The following TAOK3 variants were observed in gnomAD, a reference collection of about 807,000 sequenced individuals.
TAOK3 encodes the protein serine/threonine-protein kinase TAO3.
Under a neutral mutation model 120.4 loss-of-function variants are expected in TAOK3, and 40 were observed. The observed-to-expected ratio is 0.33, with a 90% CI of 0.26 to 0.43. The LOEUF is 0.43. Ranked by LOEUF, TAOK3 falls within the 20% of genes least tolerant of loss-of-function variation. The probability of loss-of-function intolerance (pLI) is 1.00; values close to 1 mark genes in which losing one functional copy is unlikely to be tolerated. For synonymous variants in TAOK3, 355 were observed against 387.5 expected (o/e 0.92, Z 0.99); for missense variants, 821 against 1,112.1 (o/e 0.74, Z 3.72).
intron 1 of TAOK3, among the ~76,000 whole-genome samples, chr12:118,331,049 T>C (rs996112458): frequency 6.6e-6 from 1 of 152,206 alleles, no homozygotes; most frequent in Non-Finnish European, 1.5e-5. Context: ...TCGTTTTATA[T>C]TAGAAGGCAG....
At chr12:118,331,156 C>T (rs1311071998) in intron 1 of TAOK3, among the ~76,000 whole-genome samples, 4 of 152,106 alleles carry the variant, frequency 2.6e-5, no homozygotes, top group Non-Finnish European at 4.4e-5. Context: ...AATTCCATTT[C>T]CTCTAGAACA....
intron 19 of TAOK3, among the ~76,000 whole-genome samples, chr12:118,157,160 C>G (rs2034892760): frequency 6.6e-6 from 1 of 152,204 alleles, no homozygotes; most frequent in South Asian, 2.1e-4. Context: ...GTAACTTCCC[C>G]CTTCATCCCG....
intron 1 of TAOK3, among the ~76,000 whole-genome samples, chr12:118,280,355 G>T (rs540739931): frequency 7.9e-5 from 12 of 152,240 alleles, no homozygotes; most frequent in African/African-American, 2.6e-4. Context: ...ACCACTGCAC[G>T]TGGTGTGATT....
intron 16 of TAOK3, among the ~76,000 whole-genome samples, chr12:118,173,161 G>A (rs914941247): frequency 1.3e-5 from 2 of 152,106 alleles, no homozygotes; most frequent in Non-Finnish European, 2.9e-5. Flanking sequence ...GTTAACCAGC[G>A]GAAAAGGAAA....
At chr12:118,250,696 A>G (rs1414251956) in intron 3 of TAOK3, among the ~76,000 whole-genome samples, 2 of 152,188 alleles carry the variant, frequency 1.3e-5, no homozygotes, top group Non-Finnish European at 2.9e-5. Context: ...CTCCTCTAGG[A>G]GGATAGACAA....
intron 1 of TAOK3, among the ~76,000 whole-genome samples, chr12:118,294,956 A>G (rs2042621272): frequency 6.6e-6 from 1 of 152,174 alleles, no homozygotes; most frequent in Non-Finnish European, 1.5e-5. Flanking sequence ...CTTTTGATAT[A>G]TTGAGGATCC....
At chr12:118,268,780 G>A (rs753359331) in intron 1 of TAOK3, among the ~76,000 whole-genome samples, 3 of 152,224 alleles carry the variant, frequency 2.0e-5, no homozygotes, top group African/African-American at 4.8e-5. Context: ...AGGCCAAGGC[G>A]GGTGGATCAC....
Position 118,238,096 on chromosome 12 carries a change from T to C in TAOK3, c.414A>G (p.Leu138=). ...THGALHGLAY[L]HSHALIHRDI... is the part of the protein sequence containing the mutation. The stretch of plus-strand genomic sequence containing the variant: ...ACCTATGAATCAATGCATGAGAATG[T>C]AGGTAGGCTAGTCCATGCAAGGCTC... Residue 138 remains leucine (L), a synonymous_variant, in exon 7 of 21, where the codon CTA becomes CTG. Transcript: ENST00000392533. 1 of 1,608,444 alleles carries C rather than the reference T, an allele frequency of 6.2e-7. No individual in the cohort carries two copies. The highest frequency in any genetic ancestry group is 1.7e-5 in the Admixed American group (1 of 59,874).
chr12:118,175,568 A>T (rs765941794), intron 16 of TAOK3, among the ~76,000 whole-genome samples: 18 of 152,170 alleles, frequency 1.2e-4, no homozygotes, highest in Non-Finnish European at 2.4e-4. Context: ...TGGAGGTTGC[A>T]GTGAGCCGAG....
intron 9 of TAOK3, among the ~76,000 whole-genome samples, chr12:118,217,963 G>A (rs1325728421): frequency 2.0e-5 from 3 of 147,450 alleles, no homozygotes; most frequent in African/African-American, 7.5e-5. Flanking sequence ...AGGTTCAAGT[G>A]ATTCTTCTGC....
chr12:118,237,012 G>C (rs2040044711), intron 7 of TAOK3, among the ~76,000 whole-genome samples: 1 of 152,170 alleles, frequency 6.6e-6, no homozygotes, highest in Non-Finnish European at 1.5e-5. Flanking sequence ...GTTGGCAGTA[G>C]TATTAACACC....
chr12:118,342,957 A>AAAAG (rs1555257895), intron 1 of TAOK3, among the ~76,000 whole-genome samples: 13 of 120,428 alleles, frequency 1.1e-4, no homozygotes, highest in African/African-American at 2.5e-4. Context: ...AAAAAAAAAA[A>AAAAG]AGAGAGAGAG....
chr12:118,255,396 A>C, intron 3 of TAOK3, 52 bp downstream of exon 3: 1 of 1,598,320 alleles, frequency 6.3e-7, no homozygotes, highest in Non-Finnish European at 8.5e-7. Context: ...CCAGGCCTAG[A>C]GTCCAACCTT....
At chr12:118,330,443 T>A (rs997537778) in intron 1 of TAOK3, among the ~76,000 whole-genome samples, 1 of 152,176 alleles carries the variant, frequency 6.6e-6, no homozygotes, top group Non-Finnish European at 1.5e-5. Flanking sequence ...TATTTTTAGA[T>A]AGTGTTCAGA....
intron 1 of TAOK3, among the ~76,000 whole-genome samples, chr12:118,365,006 G>GTATGGATTCTTATTT (rs1170705860): frequency 6.6e-6 from 1 of 152,170 alleles, no homozygotes; most frequent in Non-Finnish European, 1.5e-5. Context: ...ATCCCAAGAG[G>GTATGGATTCTTATTT]TATGGATTCT....
Position 118,162,292 on chromosome 12 carries a change from ACT to A in TAOK3, c.1900-267_1900-266del, listed in dbSNP as rs138184791. Among the ~76,000 whole-genome samples the A allele has an allele frequency of 2.9e-3, 446 of 151,870 alleles. 5 individuals are homozygous for A. The highest frequency in any genetic ancestry group is 9.9e-3 in the African/African-American group (408 of 41,400). On this transcript the variant is annotated intron_variant, in intron 17 of 20. Coordinates refer to ENST00000392533, the MANE Select transcript of TAOK3 (RefSeq NM_016281.4). ...TGTAAAATGGGATTAATTCTACCTG[ACT>A]CTCTCTTACCTCACAGAGCTGCTGT...
chr12:118,233,620 T>C (rs2039884617), intron 9 of TAOK3, 54 bp downstream of exon 9: 1 of 1,307,864 alleles, frequency 7.6e-7, no homozygotes, highest in Non-Finnish European at 1.1e-6. Context: ...TGAAAATTCA[T>C]CTGCAAAATA....
At chr12:118,361,243 G>A (rs2045587918) in intron 1 of TAOK3, among the ~76,000 whole-genome samples, 1 of 151,990 alleles carries the variant, frequency 6.6e-6, no homozygotes, top group African/African-American at 2.4e-5. Flanking sequence ...ACTAGACTTC[G>A]TTACAGTGAA....
At chr12:118,243,353 T>A (rs708862) in intron 5 of TAOK3, 62 bp downstream of exon 5, 437,671 of 857,492 alleles carry the variant, frequency 0.51, 114,390 homozygotes, top group Admixed American at 0.54. Context: ...AAATAGATAA[T>A]AGAAAAAAAA....
Sources: gnomAD v4.1 joint callset for allele counts (sites outside exome capture counted in the v4.1 genomes callset) on GRCh38, gnomAD v4.1.1 for gene constraint, MANE v1.5 for transcripts, NCBI Gene and HGNC (gene_info 2026-07-23, HGNC 2026-07-21) for gene names.